The following KCNAB1 variants were observed in gnomAD, a reference collection of about 807,000 sequenced individuals.
The protein encoded by KCNAB1 is voltage-gated potassium channel subunit beta-1.
A neutral mutation model predicts 64.6 loss-of-function variants in KCNAB1; 35 were observed. The ratio of observed to expected loss-of-function variants is 0.54; its 90% CI spans 0.41 to 0.72. The LOEUF is 0.72. Among genes scored for constraint, KCNAB1 ranks in the 30% least tolerant of loss-of-function variants. The pLI is 0.00. For synonymous variants in KCNAB1, 177 were observed against 183.8 expected (o/e 0.96, Z 0.30); for missense variants, 401 against 512.9 (o/e 0.78, Z 2.11).
chr3:156,454,373 C>A (rs568840311), intron 3 of KCNAB1, among the ~76,000 whole-genome samples: 3 of 152,304 alleles, frequency 2.0e-5, no homozygotes, highest in East Asian at 1.9e-4. Flanking sequence ...ACATAAAGGA[C>A]TGGGCCTTTA....
At chr3:156,318,399 A>G (rs962740512) in intron 1 of KCNAB1, among the ~76,000 whole-genome samples, 1 of 152,176 alleles carries the variant, frequency 6.6e-6, no homozygotes, top group African/African-American at 2.4e-5. Flanking sequence ...TATGAACCTA[A>G]AGGAGCAGAC....
At chr3:156,254,401 T>C (rs1202562410) in intron 1 of KCNAB1, among the ~76,000 whole-genome samples, 1 of 152,162 alleles carries the variant, frequency 6.6e-6, no homozygotes, top group Non-Finnish European at 1.5e-5. Context: ...CAGGAGCATT[T>C]TCCCAGGATG....
chr3:156,529,924 T>C (rs999799315), intron 12 of KCNAB1, among the ~76,000 whole-genome samples: 2 of 152,142 alleles, frequency 1.3e-5, no homozygotes, highest in African/African-American at 2.4e-5. Context: ...CCAGCAACAC[T>C]GAGTTCCAGG....
chr3:156,350,506 CAAAAA>C (rs60606856), intron 1 of KCNAB1, among the ~76,000 whole-genome samples: 3 of 98,922 alleles, frequency 3.0e-5, no homozygotes, highest in Admixed American at 2.1e-4. Flanking sequence ...GACCCTGTCT[CAAAAA>C]AAAAAAAAAA....
At chr3:156,164,054 T>C (rs950006838) in intron 1 of KCNAB1, among the ~76,000 whole-genome samples, 2 of 152,244 alleles carry the variant, frequency 1.3e-5, no homozygotes, top group African/African-American at 4.8e-5. Context: ...CAGTTCTAAC[T>C]GTTTCTTAAC....
At chr3:156,485,267 T>C (rs1015274078) in intron 8 of KCNAB1, among the ~76,000 whole-genome samples, 5 of 152,148 alleles carry the variant, frequency 3.3e-5, no homozygotes, top group African/African-American at 1.2e-4. Context: ...ACTTTTTATT[T>C]TGAGAAATTA....
chr3:156,390,241 C>T (rs1712928920), intron 1 of KCNAB1, among the ~76,000 whole-genome samples: 1 of 152,072 alleles, frequency 6.6e-6, no homozygotes, highest in Non-Finnish European at 1.5e-5. Flanking sequence ...AGGGATAGAC[C>T]AGAGGAAGAA....
chr3:156,143,287 A>T (rs758171719), intron 1 of KCNAB1: 7 of 1,613,696 alleles, frequency 4.3e-6, no homozygotes, highest in Non-Finnish European at 5.9e-6. Context: ...AGTGACCAAG[A>T]CTCAGCCTCA....
intron 1 of KCNAB1, among the ~76,000 whole-genome samples, chr3:156,267,226 A>G (rs571190108): frequency 6.6e-6 from 1 of 152,170 alleles, no homozygotes; most frequent in Non-Finnish European, 1.5e-5. Context: ...CTCATAGTGC[A>G]TAGTGAACAT....
intron 1 of KCNAB1, among the ~76,000 whole-genome samples, chr3:156,122,382 A>G (rs192572908): frequency 9.2e-5 from 14 of 152,328 alleles, no homozygotes; most frequent in African/African-American, 2.9e-4. Flanking sequence ...ATATACCAGA[A>G]ATTTCCTTTA....
At chr3:156,231,437 G>A (rs1333846305) in intron 1 of KCNAB1, among the ~76,000 whole-genome samples, 1 of 150,884 alleles carries the variant, frequency 6.6e-6, no homozygotes, top group Non-Finnish European at 1.5e-5. Flanking sequence ...AATCTCTTGT[G>A]GGAAAAATCC....
At chr3:156,280,285 C>A (rs1407215940) in intron 1 of KCNAB1, among the ~76,000 whole-genome samples, 4 of 147,494 alleles carry the variant, frequency 2.7e-5, no homozygotes, top group East Asian at 4.0e-4. Context: ...TGTAGATATG[C>A]GGCGTTATTT....
At chr3:156,377,745 C>A (rs1711799501) in intron 1 of KCNAB1, among the ~76,000 whole-genome samples, 1 of 152,046 alleles carries the variant, frequency 6.6e-6, no homozygotes, top group African/African-American at 2.4e-5. Flanking sequence ...AAAACTTTAT[C>A]CAAGCCCATC....
At chr3:156,345,950 T>A (rs1022745717) in intron 1 of KCNAB1, among the ~76,000 whole-genome samples, 1 of 152,136 alleles carries the variant, frequency 6.6e-6, no homozygotes, top group Non-Finnish European at 1.5e-5. Flanking sequence ...AGCTTAATTT[T>A]TGGAGCCATC....
chr3:156,326,731 C>T (rs1267727551), intron 1 of KCNAB1, among the ~76,000 whole-genome samples: 2 of 152,112 alleles, frequency 1.3e-5, no homozygotes, highest in Non-Finnish European at 2.9e-5. Context: ...GGCATGGCTC[C>T]CTTCTGTACT....
At chr3:156,371,200 T>C (rs1726282998) in intron 1 of KCNAB1, among the ~76,000 whole-genome samples, 1 of 152,164 alleles carries the variant, frequency 6.6e-6, no homozygotes, top group African/African-American at 2.4e-5. Context: ...CCATCTGCCC[T>C]CAAGGGGTCA....
intron 1 of KCNAB1, among the ~76,000 whole-genome samples, chr3:156,360,168 CA>C: frequency 6.6e-6 from 1 of 152,288 alleles, no homozygotes; most frequent in Non-Finnish European, 1.5e-5. Flanking sequence ...TTACCATATT[CA>C]AAAATTATGT....
chr3:156,457,521 T>C lies in KCNAB1; in HGVS notation c.426T>C (p.Tyr142=), dbSNP rs1372841632. 3 of 1,613,840 alleles carry C rather than the reference T, an allele frequency of 1.9e-6. No individual in the cohort carries two copies. Among genetic ancestry groups the C allele is most frequent in the Middle Eastern group, 1.7e-4 (1 of 6,058 alleles). Residue 142 remains tyrosine, a synonymous_variant, in exon 4 of 14, where the codon TAT becomes TAC. Transcript: ENST00000490337. ...GVNLFDTAEV[Y]AAGKAEVILG... is the part of the protein sequence containing the mutation. Reference sequence around the variant, plus strand: ...ACCTCTTTGATACTGCCGAAGTCTATGCTGCTGGAAAGTAAGTCAGTACCT... The same window carrying C: ...ACCTCTTTGATACTGCCGAAGTCTACGCTGCTGGAAAGTAAGTCAGTACCT...
chr3:156,342,553 C>T (rs1724190686), intron 1 of KCNAB1, among the ~76,000 whole-genome samples: 1 of 140,022 alleles, frequency 7.1e-6, no homozygotes, highest in African/African-American at 2.6e-5. Flanking sequence ...GGGGCTTGGA[C>T]ATTGGAATTT....
Sources: gnomAD v4.1 joint callset for allele counts (sites outside exome capture counted in the v4.1 genomes callset) on GRCh38, gnomAD v4.1.1 for gene constraint, MANE v1.5 for transcripts, NCBI Gene and HGNC (gene_info 2026-07-23, HGNC 2026-07-21) for gene names.